NR3C2: variants seen among roughly 807,000 people sequenced by gnomAD.
NR3C2 encodes mineralocorticoid receptor.
A neutral mutation model predicts 86.4 loss-of-function variants in NR3C2; 15 were observed. The observed-to-expected ratio is 0.17, with a 90% CI of 0.12 to 0.27. The LOEUF is 0.27. Among genes scored for constraint, NR3C2 ranks in the 10% least tolerant of loss-of-function variants. The probability of loss-of-function intolerance (pLI) is 1.00; values close to 1 mark genes in which losing one functional copy is unlikely to be tolerated. For synonymous variants in NR3C2, 458 were observed against 450.5 expected (o/e 1.02, Z -0.21); for missense variants, 960 against 1,195.6 (o/e 0.80, Z 2.91).
At chr4:148,305,032 A>G (rs1742543838) in intron 2 of NR3C2, among the ~76,000 whole-genome samples, 1 of 152,092 alleles carries the variant, frequency 6.6e-6, no homozygotes, top group African/African-American at 2.4e-5. Context: ...TAAAAAAAAA[A>G]ATCCATCATC....
At chr4:148,427,050 G>A (rs555470985) in intron 2 of NR3C2, among the ~76,000 whole-genome samples, 18 of 151,748 alleles carry the variant, frequency 1.2e-4, no homozygotes, top group South Asian at 4.2e-4. Flanking sequence ...CACCTCCCAC[G>A]TTCAAGCGAT....
intron 3 of NR3C2, among the ~76,000 whole-genome samples, chr4:148,209,656 A>T (rs987048849): frequency 2.0e-5 from 3 of 152,192 alleles, no homozygotes; most frequent in Non-Finnish European, 4.4e-5. Flanking sequence ...CACTCGTAAA[A>T]GAGAAAGACT....
At chr4:148,137,697 C>A (rs1446375607) in intron 6 of NR3C2, among the ~76,000 whole-genome samples, 2 of 152,130 alleles carry the variant, frequency 1.3e-5, no homozygotes, top group East Asian at 3.9e-4. Context: ...TCTGAGGACG[C>A]CAGGGTGTCC....
chr4:148,169,977 A>T (rs994044443), intron 4 of NR3C2, among the ~76,000 whole-genome samples: 4 of 152,224 alleles, frequency 2.6e-5, no homozygotes, highest in Non-Finnish European at 5.9e-5. Flanking sequence ...CTGAGAAAAG[A>T]TTATTTGTTA....
At chr4:148,361,143 T>C (rs1579205038) in intron 2 of NR3C2, among the ~76,000 whole-genome samples, 1 of 152,314 alleles carries the variant, frequency 6.6e-6, no homozygotes, top group Non-Finnish European at 1.5e-5. Context: ...TGTTTTCAGA[T>C]AACCTTCCAG....
At chr4:148,082,932 TGCCCTCCCAGTGTAAACAGA>T (rs547374927) in intron 8 of NR3C2, among the ~76,000 whole-genome samples, 47 of 152,190 alleles carry the variant, frequency 3.1e-4, no homozygotes, top group South Asian at 1.0e-3. Context: ...TAGGCGGTTT[TGCCCTCCCAGTGTAAACAGA>T]GCCACCGGGA....
intron 2 of NR3C2, among the ~76,000 whole-genome samples, chr4:148,378,919 C>T (rs542915893): frequency 5.3e-4 from 80 of 152,036 alleles, no homozygotes; most frequent in African/African-American, 3.1e-4. Flanking sequence ...GAATTTTCAT[C>T]GAAAGAAACA....
At chr4:148,101,974 C>T (rs780398146) in intron 8 of NR3C2, among the ~76,000 whole-genome samples, 2 of 152,138 alleles carry the variant, frequency 1.3e-5, no homozygotes, top group Non-Finnish European at 2.9e-5. Flanking sequence ...TGCCTTGAGT[C>T]GATCCACTAT....
intron 6 of NR3C2, among the ~76,000 whole-genome samples, chr4:148,138,974 C>CATGA (rs1322278491): frequency 1.3e-5 from 2 of 152,214 alleles, no homozygotes; most frequent in Non-Finnish European, 2.9e-5. Context: ...TGCCTTCTAC[C>CATGA]ATGAGATGAT....
chr4:148,145,174 G>A (rs761819421), intron 6 of NR3C2, among the ~76,000 whole-genome samples: 3 of 152,188 alleles, frequency 2.0e-5, no homozygotes, highest in South Asian at 2.1e-4. Flanking sequence ...GCTCAAGCAC[G>A]CGCATGAAGA....
chr4:148,152,598 G>A lies in NR3C2; in HGVS notation c.2381C>T (p.Pro794Leu). ...AKVLPGFKNL[P>L]LEDQITLIQY... is the part of the protein sequence containing the mutation. ...GATTAGGGTAATTTGGTCCTCAAGA[G>A]GCAAGTTTTTAAATCCTGAAGAACA... The change falls in exon 6 of 9, where the codon CCT becomes CTT. Residue 794 changes from proline (P) to leucine (L), a missense_variant. By Grantham distance (98) the Pro-to-Leu change is moderately conservative. Around this residue, in one of 4 missense-constraint regions of NR3C2, gnomAD observed 151 missense variants for 296.3 expected, o/e 0.51. Coordinates refer to ENST00000358102, the MANE Select transcript of NR3C2 (RefSeq NM_000901.5). 1.2e-6 allele frequency: 2 copies of A among 1,613,874 alleles called. No homozygotes were observed. The highest frequency in any genetic ancestry group is 2.2e-5 in the East Asian group (1 of 44,862).
At chr4:148,433,754 A>C (rs1749908422) in intron 2 of NR3C2, among the ~76,000 whole-genome samples, 1 of 152,186 alleles carries the variant, frequency 6.6e-6, no homozygotes, top group African/African-American at 2.4e-5. Context: ...AAAAATATTC[A>C]CAACACATGA....
At chr4:148,104,331 G>GT (rs1553985372) in intron 8 of NR3C2, among the ~76,000 whole-genome samples, 1 of 101,006 alleles carries the variant, frequency 9.9e-6, no homozygotes, top group South Asian at 3.1e-4. Context: ...GTTTTTTTGT[G>GT]TTTTGGTTTG....
intron 2 of NR3C2, among the ~76,000 whole-genome samples, chr4:148,363,317 C>T (rs1745935005): frequency 3.9e-5 from 6 of 152,084 alleles, no homozygotes; most frequent in Admixed American, 3.9e-4. Context: ...AAGTCAAAGT[C>T]CTGTTTTCTT....
intron 6 of NR3C2, among the ~76,000 whole-genome samples, chr4:148,149,682 T>C (rs576916187): frequency 2.9e-4 from 44 of 152,220 alleles, no homozygotes; most frequent in African/African-American, 1.0e-3. Context: ...ATCCATAATA[T>C]ATAAAGAACT....
intron 1 of NR3C2, among the ~76,000 whole-genome samples, chr4:148,437,770 A>G (rs1023796780): frequency 6.6e-6 from 1 of 152,194 alleles, no homozygotes; most frequent in African/African-American, 2.4e-5. Context: ...ATATTTACCA[A>G]GTGCCTGCTA....
At chr4:148,294,616 A>G (rs1410315942) in intron 2 of NR3C2, among the ~76,000 whole-genome samples, 2 of 151,888 alleles carry the variant, frequency 1.3e-5, no homozygotes, top group African/African-American at 4.8e-5. Context: ...TTTCACTCTG[A>G]TATTGTAGTA....
intron 8 of NR3C2, among the ~76,000 whole-genome samples, chr4:148,081,759 C>T (rs1260443271): frequency 6.6e-6 from 1 of 152,200 alleles, no homozygotes; most frequent in Non-Finnish European, 1.5e-5. Flanking sequence ...TGAGCTGAAA[C>T]AGGGACAGTG....
intron 8 of NR3C2, among the ~76,000 whole-genome samples, chr4:148,082,926 C>T (rs1395854237): frequency 2.0e-5 from 3 of 152,030 alleles, no homozygotes; most frequent in Admixed American, 6.5e-5. Flanking sequence ...CTTGAGTAGG[C>T]GGTTTTGCCC....
Sources: allele counts gnomAD v4.1 joint callset (sites outside exome capture counted in the v4.1 genomes callset), GRCh38; gene constraint gnomAD v4.1.1; regional missense constraint gnomAD v4.1.1; transcripts MANE v1.5; gene names NCBI Gene and HGNC (gene_info 2026-07-23, HGNC 2026-07-21).